The following ACBD6 variants were observed in gnomAD, a reference collection of about 807,000 sequenced individuals.
ACBD6 encodes the protein acyl-CoA binding domain containing 6, also known as acyl-CoA-binding domain-containing protein 6.
In ACBD6, 28 loss-of-function variants were observed where a neutral mutation model predicts 37.2. The observed-to-expected ratio is 0.75, with a 90% CI of 0.56 to 1.03. The LOEUF is 1.03. Ranked by LOEUF, ACBD6 falls within the 50% of genes least tolerant of loss-of-function variation. The pLI, the probability that ACBD6 is intolerant of heterozygous loss-of-function variation, is 0.00. For synonymous variants in ACBD6, 113 were observed against 126.8 expected (o/e 0.89, Z 0.73); for missense variants, 340 against 337.4 (o/e 1.01, Z -0.06).
chr1:180,427,555 T>C lies in ACBD6; in HGVS notation c.467+2625A>G, dbSNP rs74132843. Among the ~76,000 whole-genome samples the C allele has an allele frequency of 6.7e-3, 1,014 of 152,296 alleles. 17 individuals are homozygous for C. The highest frequency in any genetic ancestry group is 0.023 in the African/African-American group (968 of 41,570). ...AAATAACCCATTTTCATTGTTGCAA[T>C]TGCATTCTGATACGTAAGAAACCAT... is the stretch of plus-strand genomic sequence containing the variant. On this transcript the variant is annotated intron_variant, in intron 4 of 7. Coordinates refer to ENST00000367595, the MANE Select transcript of ACBD6 (RefSeq NM_032360.4).
At chr1:180,349,403 C>T (rs1199458980) in intron 6 of ACBD6, among the ~76,000 whole-genome samples, 2 of 151,292 alleles carry the variant, frequency 1.3e-5, no homozygotes, top group South Asian at 2.1e-4. Flanking sequence ...CTACAGGCAC[C>T]CGCCACCACG....
intron 6 of ACBD6, among the ~76,000 whole-genome samples, chr1:180,322,293 A>T (rs1651104583): frequency 6.6e-6 from 1 of 152,084 alleles, no homozygotes; most frequent in African/African-American, 2.4e-5. Flanking sequence ...CTGAATCAAT[A>T]TTCATCAGAG....
At position 180,460,316 on chromosome 1, in the gene ACBD6, T is replaced by C. The variant is rs1459557005; in HGVS notation, c.385-30054A>G. Among the ~76,000 whole-genome samples the C allele has an allele frequency of 6.6e-5, 10 of 152,238 alleles. 1 individual carries two copies. The South Asian group carries it at 2.1e-3, about 32-fold the overall frequency. ...CCGGCGTAGGGGCAGGCTGCCATCTTTGCTGTTTTAGCAACTTAGCCGTTC... is the reference window on the plus strand; with the variant it reads ...CCGGCGTAGGGGCAGGCTGCCATCTCTGCTGTTTTAGCAACTTAGCCGTTC... On this transcript the variant is annotated intron_variant, in intron 3 of 7. Transcript: ENST00000367595.
At chr1:180,371,213 T>C (rs1242262438) in intron 6 of ACBD6, among the ~76,000 whole-genome samples, 5 of 152,078 alleles carry the variant, frequency 3.3e-5, no homozygotes, top group African/African-American at 1.2e-4. Context: ...TATATATATA[T>C]ATTTTGTACA....
intron 6 of ACBD6, among the ~76,000 whole-genome samples, chr1:180,378,576 A>G (rs1653527226): frequency 1.3e-5 from 2 of 152,246 alleles, no homozygotes; most frequent in South Asian, 4.1e-4. Flanking sequence ...ACTTTTCTGT[A>G]GAGTCTAAAA....
chr1:180,468,249 A>T (rs1454434119), intron 3 of ACBD6, among the ~76,000 whole-genome samples: 3 of 152,106 alleles, frequency 2.0e-5, no homozygotes, highest in Admixed American at 1.3e-4. Context: ...TTGCTAGGTA[A>T]TTCCTCCAAG....
chr1:180,443,412 T>C (rs989973987), intron 3 of ACBD6, among the ~76,000 whole-genome samples: 3 of 152,146 alleles, frequency 2.0e-5, no homozygotes, highest in African/African-American at 7.2e-5. Context: ...TATACATGCA[T>C]AGATCAGTAT....
rs557584351 is a variant in ACBD6 at position 180,289,843 on chromosome 1, C to T, written c.695-1326G>A. Among the ~76,000 whole-genome samples, 11 of 152,154 alleles carry T rather than the reference C, an allele frequency of 7.2e-5. No individual in the cohort carries two copies. In the South Asian group the frequency reaches 2.3e-3, roughly 32 times the overall value. ...TACATATGATATCATTTCATTTAAA[C>T]AAAATTTTGCAAACCGGTAAAACTA... On this transcript the variant is annotated intron_variant, in intron 7 of 7. Coordinates refer to ENST00000367595, the MANE Select transcript of ACBD6 (RefSeq NM_032360.4).
At chr1:180,501,187 G>A (rs1651956325) in intron 1 of ACBD6, among the ~76,000 whole-genome samples, 1 of 152,110 alleles carries the variant, frequency 6.6e-6, no homozygotes, top group Admixed American at 6.5e-5. Flanking sequence ...TGTAAAAGAA[G>A]GGCATTATTT....
At chr1:180,271,204 G>A in exon 14 of ACBD6, 2 of 710,642 alleles carry the variant, frequency 2.8e-6, no homozygotes, top group East Asian at 2.6e-5. Flanking sequence ...GGCCCGTGGT[G>A]CAGGAGTCAG....
intron 1 of ACBD6, among the ~76,000 whole-genome samples, chr1:180,500,291 C>T (rs898316761): frequency 3.3e-5 from 5 of 152,156 alleles, no homozygotes; most frequent in Non-Finnish European, 7.4e-5. Context: ...AATTTCCTTT[C>T]CTCTAGTGTT....
At position 180,501,825 on chromosome 1, in the gene ACBD6, G is replaced by A. The variant is rs531757670; in HGVS notation, c.222+220C>T. On this transcript the variant is annotated intron_variant, in intron 1 of 7. Coordinates refer to ENST00000367595, the MANE Select transcript of ACBD6 (RefSeq NM_032360.4). ...AAAAAACACAAAAACAATGTCCAGTGTCCAGCTAAATAAACATCACTCCTA... is the reference window on the plus strand; with the variant it reads ...AAAAAACACAAAAACAATGTCCAGTATCCAGCTAAATAAACATCACTCCTA... 4.0e-5 allele frequency among the ~76,000 whole-genome samples: 6 copies of A among 150,878 alleles called. No individual in the cohort carries two copies. The South Asian group carries it at 1.3e-3, about 32-fold the overall frequency.
chr1:180,357,246 A>G (rs373696987), intron 6 of ACBD6, among the ~76,000 whole-genome samples: 3 of 152,232 alleles, frequency 2.0e-5, no homozygotes, highest in African/African-American at 4.8e-5. Flanking sequence ...AATAGTAGCT[A>G]TATTTCGTGG....
chr1:180,302,041 G>A (rs765370227), intron 7 of ACBD6, among the ~76,000 whole-genome samples: 1 of 151,202 alleles, frequency 6.6e-6, no homozygotes, highest in African/African-American at 2.4e-5. Flanking sequence ...AGATTTATTG[G>A]GGGGGGAGGG....
intron 6 of ACBD6, among the ~76,000 whole-genome samples, chr1:180,375,699 T>C (rs1022656294): frequency 3.9e-5 from 6 of 152,088 alleles, no homozygotes; most frequent in African/African-American, 1.4e-4. Flanking sequence ...TAGATCCACA[T>C]CTCCAATCAT....
chr1:180,276,352 A>C (rs148463688), intron 9 of ACBD6: 12 of 126,138 alleles, frequency 9.5e-5, no homozygotes, highest in African/African-American at 2.9e-4. Flanking sequence ...CAATTAAGTA[A>C]GTTCTTTAAA....
intron 3 of ACBD6, among the ~76,000 whole-genome samples, chr1:180,482,038 C>G (rs1338535252): frequency 6.6e-6 from 1 of 151,990 alleles, no homozygotes; most frequent in African/African-American, 2.4e-5. Flanking sequence ...ACCTAGAGAA[C>G]CTCAATTTAA....
chr1:180,486,109 C>G (rs1651254398), intron 3 of ACBD6, among the ~76,000 whole-genome samples: 1 of 152,154 alleles, frequency 6.6e-6, no homozygotes, highest in Non-Finnish European at 1.5e-5. Context: ...CATTCTTTAC[C>G]TGGGCCATTT....
chr1:180,356,614 C>T (rs1361158271), intron 6 of ACBD6, among the ~76,000 whole-genome samples: 3 of 151,782 alleles, frequency 2.0e-5, no homozygotes, highest in South Asian at 2.1e-4. Flanking sequence ...TGGGAGGCCG[C>T]GGCAGGTGGA....
Sources: allele counts gnomAD v4.1 joint callset (sites outside exome capture counted in the v4.1 genomes callset), GRCh38; gene constraint gnomAD v4.1.1; transcripts MANE v1.5; gene names NCBI Gene and HGNC (gene_info 2026-07-23, HGNC 2026-07-21).